GUF1: variants seen among roughly 807,000 people sequenced by gnomAD.
GUF1 encodes GTP binding elongation factor GUF1, also known as translation factor GUF1, mitochondrial.
In GUF1, 78 loss-of-function variants were observed where a neutral mutation model predicts 82.4. The observed-to-expected ratio is 0.95, with a 90% CI of 0.79 to 1.14. The LOEUF (loss-of-function observed/expected upper bound fraction) is 1.14. Among genes scored for constraint, GUF1 ranks in the 50% most tolerant of loss-of-function variants. GUF1 has a pLI of 0.00. For synonymous variants in GUF1, 279 were observed against 282.3 expected, an observed-to-expected ratio of 0.99 and a Z score of 0.12; for missense variants, 814 against 798.2, an observed-to-expected ratio of 1.02 and a Z score of -0.24.
intron 4 of GUF1, 72 bp from the exon 5 acceptor site, chr4:44,682,262 G>C: frequency 1.4e-6 from 1 of 713,914 alleles, no homozygotes; most frequent in Non-Finnish European, 2.2e-6. Context: ...TGTATAGAAT[G>C]GTCTTAAATT....
intron 13 of GUF1, among the ~76,000 whole-genome samples, chr4:44,693,275 T>G (rs1223351641): frequency 6.6e-6 from 1 of 152,034 alleles, no homozygotes; most frequent in East Asian, 1.9e-4. Flanking sequence ...AGAGGTTAGG[T>G]ATCAATTGGA....
chr4:44,693,900 C>T, intron 13 of GUF1: 1 of 160,530 alleles, frequency 6.2e-6, no homozygotes. Flanking sequence ...TCATTTAATC[C>T]TCACAAAAGC....
rs1164892115 is a variant in GUF1, at chr4:44,700,518, A to C, written c.*1837A>C. On this transcript the variant is annotated 3_prime_UTR_variant, in exon 17 of 17. Coordinates refer to ENST00000281543, the MANE Select transcript of GUF1 (RefSeq NM_021927.3). ...CCCTCTTCAAGTTGTCCTGCCTTTC[A>C]AGACCAATGTACACCTTACACATAC... is the stretch of plus-strand genomic sequence containing the variant. 6.6e-6 allele frequency: 1 copy of C among 152,140 alleles called. No homozygotes were observed. The highest frequency in any genetic ancestry group is 1.5e-5 in the Non-Finnish European group (1 of 68,060). The allele number at this position is 152,140 out of a possible 1,614,324, so 9.4% of individuals were successfully genotyped here. A position where few individuals can be genotyped will look rare whatever the true frequency, so the allele number is the denominator to read the frequency against.
At chr4:44,678,837 G>GC in intron 1 of GUF1, 50 bp downstream of exon 1, 1 of 1,511,476 alleles carries the variant, frequency 6.6e-7, no homozygotes, top group Non-Finnish European at 8.8e-7. Context: ...ACGTTGGAGT[G>GC]CCCCATGCGA....
At chr4:44,688,385 T>G (rs535917454) in intron 9 of GUF1, among the ~76,000 whole-genome samples, 45 of 152,032 alleles carry the variant, frequency 3.0e-4, no homozygotes, top group Middle Eastern at 3.4e-3. Context: ...CTGTGATATA[T>G]AGGATACAGT....
chr4:44,685,683 G>C (rs991131279), intron 6 of GUF1, among the ~76,000 whole-genome samples: 3 of 152,012 alleles, frequency 2.0e-5, no homozygotes, highest in Non-Finnish European at 4.4e-5. Context: ...TCAATGCAAA[G>C]ACATGATTGT....
chr4:44,680,921 T>G, intron 3 of GUF1, 79 bp downstream of exon 3: 1 of 1,278,722 alleles, frequency 7.8e-7, no homozygotes, highest in Non-Finnish European at 1.1e-6. Flanking sequence ...TGTTTAATTT[T>G]TGAACTGAGT....
chr4:44,681,544 A>G (rs6843249), intron 4 of GUF1, among the ~76,000 whole-genome samples: 147,150 of 152,174 alleles, frequency 0.97, 71,354 homozygotes, highest in East Asian at 1. Flanking sequence ...AGCAGATCTT[A>G]AGAATAAATC....
rs201569798 is a variant in GUF1 at position 44,678,710 on chromosome 4, C to A, written c.88C>A (p.Pro30Thr). ...TGAALLVAPG[P>T]RSAPTLGAAP... Reference sequence around the variant, plus strand: ...GGCCGCGCTTCTGGTGGCCCCGGGGCCCCGGTCCGCGCCGACCCTTGGGGC... The same window carrying A: ...GGCCGCGCTTCTGGTGGCCCCGGGGACCCGGTCCGCGCCGACCCTTGGGGC... Residue 30 changes from proline (P) to threonine (T), a missense_variant, in exon 1 of 17, where the codon CCC (proline) becomes ACC (threonine). By Grantham distance (38) the Pro-to-Thr change is conservative. Coordinates refer to ENST00000281543, the MANE Select transcript of GUF1 (RefSeq NM_021927.3). 5.3e-6 allele frequency: 8 copies of A among 1,509,774 alleles called. No homozygotes were observed. The highest frequency in any genetic ancestry group is 1.4e-5 in the South Asian group (1 of 73,090). 93.5% of individuals were successfully genotyped at this position (1,509,774 alleles called of 1,614,324 possible).
rs1577773010 is a variant in GUF1 at position 44,689,777 on chromosome 4, T to G, written c.1203-66T>G. On this transcript the variant is annotated intron_variant, in intron 10 of 16. Transcript: ENST00000281543. ...CTCCCTTAAAGTAACAATATGTTCA[T>G]TAAAAAAAAAAAAAATGAAGCCCAT... 27 of 1,014,384 alleles carry G rather than the reference T, an allele frequency of 2.7e-5. No homozygotes were observed. The East Asian group carries it at 7.6e-4, about 29-fold the overall frequency. The allele number at this position is 1,014,384 out of a possible 1,614,324, so 62.8% of individuals were successfully genotyped here.
intron 3 of GUF1, 128 bp from the exon 4 acceptor site, chr4:44,680,995 A>C (rs1272247071): frequency 2.7e-6 from 3 of 1,099,572 alleles, no homozygotes; most frequent in Non-Finnish European, 4.0e-6. Flanking sequence ...GTTGTTTCAA[A>C]AGTGCAGGCT....
chr4:44,683,136 G>A, intron 5 of GUF1, 99 bp from the exon 6 acceptor site: 1 of 650,506 alleles, frequency 1.5e-6, no homozygotes, highest in South Asian at 2.3e-5. Context: ...GGGTCAGTTA[G>A]GTTAAAGTGG....
intron 9 of GUF1, among the ~76,000 whole-genome samples, 172 bp from the exon 10 acceptor site, chr4:44,689,114 T>C: frequency 6.6e-6 from 1 of 151,844 alleles, no homozygotes; most frequent in East Asian, 1.9e-4. Context: ...GTAAGATACT[T>C]TGAAACCAAA....
chr4:44,688,209 A>G, intron 9 of GUF1, 63 bp downstream of exon 9: 2 of 1,502,354 alleles, frequency 1.3e-6, no homozygotes, highest in Non-Finnish European at 1.8e-6. Flanking sequence ...AGTCTGTCTC[A>G]GTGGTTAAGG....
At chr4:44,681,412 T>C (rs533750471) in intron 4 of GUF1, among the ~76,000 whole-genome samples, 4 of 152,262 alleles carry the variant, frequency 2.6e-5, no homozygotes, top group Admixed American at 2.6e-4. Flanking sequence ...GTTTTTAAAT[T>C]GGAATTGTTC....
intron 2 of GUF1, 50 bp from the exon 3 acceptor site, chr4:44,680,644 C>T: frequency 2.4e-6 from 3 of 1,238,464 alleles, no homozygotes; most frequent in East Asian, 3.0e-5. Context: ...GTAATATTCT[C>T]TTTTTTTTTT....
chr4:44,689,990 G>A lies in GUF1; in HGVS notation c.1335+15G>A, dbSNP rs773128919. On this transcript the variant is annotated intron_variant, in intron 11 of 16. Coordinates refer to ENST00000281543, the MANE Select transcript of GUF1 (RefSeq NM_021927.3). The stretch of plus-strand genomic sequence containing the variant: ...AATTGATAAAGGTACTTGGTATTTA[G>A]TACTGGTATTTAGTACTGTTTTGCA... 65 of 1,552,140 alleles carry A rather than the reference G, an allele frequency of 4.2e-5. No homozygotes were observed. Among genetic ancestry groups the A allele is most frequent in the Non-Finnish European group, 5.7e-5 (65 of 1,141,976 alleles).
In GUF1 at chr4:44,688,580, G is replaced by A. The variant is rs577201568; in HGVS notation, c.1078+434G>A. On this transcript the variant is annotated intron_variant, in intron 9 of 16. Transcript: ENST00000281543. ...GACAGAATGGTGTTGCCTCAAGTACGTATAATTTCAGAATCTTTTACTTCA... is the reference window on the plus strand; with the variant it reads ...GACAGAATGGTGTTGCCTCAAGTACATATAATTTCAGAATCTTTTACTTCA... Among the ~76,000 whole-genome samples, 7 of 151,996 alleles carry A rather than the reference G, an allele frequency of 4.6e-5. No homozygotes were observed. The South Asian group carries it at 1.0e-3, about 23-fold the overall frequency.
At chr4:44,697,596 C>A in intron 16 of GUF1, 152 bp downstream of exon 16, 1 of 412,566 alleles carries the variant, frequency 2.4e-6, no homozygotes, top group Non-Finnish European at 4.4e-6. Flanking sequence ...TTGACCATGG[C>A]AACCTGTTCA....
Sources: allele counts gnomAD v4.1 joint callset (sites outside exome capture counted in the v4.1 genomes callset), GRCh38; gene constraint gnomAD v4.1.1; transcripts MANE v1.5; gene names NCBI Gene and HGNC (gene_info 2026-07-23, HGNC 2026-07-21).